CTTN: variants seen among roughly 807,000 people sequenced by gnomAD.
CTTN encodes cortactin, also known as src substrate cortactin.
Under a neutral mutation model 84.0 loss-of-function variants are expected in CTTN, and 28 were observed. That is an observed-to-expected ratio of 0.33 (90% CI 0.25 to 0.46). The LOEUF (loss-of-function observed/expected upper bound fraction) is 0.46, where lower values mean the gene tolerates loss of function less well. Among genes scored for constraint, CTTN ranks in the 20% least tolerant of loss-of-function variants. The pLI is 1.00. For missense variants in CTTN, 641 were observed against 723.8 expected, an observed-to-expected ratio of 0.89 and a Z score of 1.31; for synonymous variants, 301 against 288.8, an observed-to-expected ratio of 1.04 and a Z score of -0.43.
Position 70,401,651 on chromosome 11 carries a change from C to CA in CTTN, c.-98+3046dup, listed in dbSNP as rs1313982731. ...CAACAGAGTGAGACTTCGTCTCAAA[C>CA]AAAAAAAAACAAAAAAAAAAAGAGA... On this transcript the variant is annotated intron_variant, in intron 1 of 17. Coordinates refer to ENST00000301843, the MANE Select transcript of CTTN (RefSeq NM_005231.4). Among the ~76,000 whole-genome samples, 86 of 120,270 alleles carry CA rather than the reference C, an allele frequency of 7.2e-4. 1 individual carries two copies. The highest frequency in any genetic ancestry group is 2.1e-3 in the South Asian group (8 of 3,874). The allele number at this position is 120,270 out of a possible 152,430, so 78.9% of individuals were successfully genotyped here.
intron 17 of CTTN, 111 bp from the exon 18 acceptor site, chr11:70,434,914 AG>A (rs951782876): frequency 1.8e-6 from 2 of 1,137,330 alleles, no homozygotes; most frequent in African/African-American, 1.5e-5. Flanking sequence ...GCATCTCTGC[AG>A]GGGGCATCTC....
chr11:70,418,260 GCCTTCCTGCCGGTCAGGCCTTGCCT>G (rs1340629128), intron 8 of CTTN, among the ~76,000 whole-genome samples: 1 of 152,244 alleles, frequency 6.6e-6, no homozygotes, highest in Non-Finnish European at 1.5e-5. Context: ...GCCTGGCCTT[GCCTTCCTGCCGGTCAGGCCTTGCCT>G]GCCGCACAGA....
intron 12 of CTTN, among the ~76,000 whole-genome samples, chr11:70,423,468 G>A (rs909290282): frequency 2.0e-5 from 3 of 152,226 alleles, no homozygotes; most frequent in African/African-American, 2.4e-5. Context: ...GCTCCTGCGC[G>A]TGGCCTGTGG....
At chr11:70,433,624 G>T in intron 16 of CTTN, 23 bp from the exon 17 acceptor site, 1 of 1,556,532 alleles carries the variant, frequency 6.4e-7, no homozygotes, top group African/African-American at 1.4e-5. Context: ...GTATTGTTCA[G>T]CTCTGTCATG....
At chr11:70,406,524 A>AAC (rs1736000264) in intron 2 of CTTN, among the ~76,000 whole-genome samples, 1 of 151,910 alleles carries the variant, frequency 6.6e-6, no homozygotes, top group Admixed American at 6.6e-5. Context: ...ATAGTTTGAA[A>AAC]AAAAAAAAAA....
Position 70,435,826 on chromosome 11 carries a change from G to A in CTTN, c.*664G>A. On this transcript the variant is annotated 3_prime_UTR_variant, in exon 18 of 18. Coordinates refer to ENST00000301843, the MANE Select transcript of CTTN (RefSeq NM_005231.4). ...TCTCTACCCATCCCCTGATGCCCAG[G>A]TCACCGGGAGGGCTGCTGGGAGCCT... The A allele has an allele frequency of 1.3e-6, 2 of 1,542,422 alleles. No individual in the cohort carries two copies. Among genetic ancestry groups the A allele is most frequent in the Non-Finnish European group, 1.7e-6 (2 of 1,152,196 alleles).
chr11:70,416,034 T>G (rs746161606), intron 7 of CTTN: 26 of 333,102 alleles, frequency 7.8e-5, no homozygotes, highest in Non-Finnish European at 1.4e-4. Context: ...GCAGCGCTCC[T>G]CCTGGAAAAG....
At chr11:70,431,153 A>G in intron 14 of CTTN, 38 bp from the exon 15 acceptor site, 1 of 1,586,776 alleles carries the variant, frequency 6.3e-7, no homozygotes, top group Non-Finnish European at 8.7e-7. Flanking sequence ...GCAGAGTGTC[A>G]TGGCAGCATT....
chr11:70,415,634 A>G (rs200123315), intron 6 of CTTN, 29 bp from the exon 7 acceptor site: 2 of 1,599,770 alleles, frequency 1.3e-6, no homozygotes, highest in South Asian at 2.2e-5. Context: ...ATTTCTCCCC[A>G]CTTTTTCATG....
At chr11:70,399,637 G>A (rs2057952671) in intron 1 of CTTN, among the ~76,000 whole-genome samples, 1 of 152,294 alleles carries the variant, frequency 6.6e-6, no homozygotes, top group East Asian at 1.9e-4. Flanking sequence ...TCCATCACCT[G>A]GATAGTCTAA....
At position 70,420,486 on chromosome 11, in the gene CTTN, T is replaced by G; in HGVS notation, c.766T>G (p.Leu256Val). 2 of 1,614,006 alleles carry G rather than the reference T, an allele frequency of 1.2e-6. No homozygotes were observed. The highest frequency in any genetic ancestry group is 1.7e-6 in the Non-Finnish European group (2 of 1,179,890). Residue 256 changes from leucine to valine, a missense_variant, in exon 10 of 18, where the codon TTG becomes GTG. Around this residue, in one of 3 missense-constraint regions of CTTN, gnomAD observed 284 missense variants for 348.4 expected, o/e 0.82. Transcript: ENST00000301843. The stretch of plus-strand genomic sequence containing the variant: ...CCTTGGCTGGGATCACCAGGAGAAA[T>G]TGCAGCTGCATGAATCCCAAAAAGG... ...CALGWDHQEK[L>V]QLHESQKDYK...
intron 13 of CTTN, among the ~76,000 whole-genome samples, 184 bp from the exon 14 acceptor site, chr11:70,428,867 G>A (rs1389818249): frequency 1.3e-5 from 2 of 152,212 alleles, no homozygotes; most frequent in Non-Finnish European, 2.9e-5. Context: ...AGTGCCCTGC[G>A]GCAGGTGCCC....
intron 3 of CTTN, 55 bp from the exon 4 acceptor site, chr11:70,407,463 G>A: frequency 2.5e-6 from 4 of 1,612,798 alleles, no homozygotes; most frequent in Non-Finnish European, 3.4e-6. Context: ...TGGGGTGGTG[G>A]TTTGTCTGTG....
intron 17 of CTTN, among the ~76,000 whole-genome samples, chr11:70,434,648 C>T (rs1470613674): frequency 2.6e-5 from 4 of 152,264 alleles, no homozygotes; most frequent in African/African-American, 2.4e-5. Context: ...CTCCGGGTGT[C>T]CCCTGGCTGT....
intron 14 of CTTN, among the ~76,000 whole-genome samples, chr11:70,430,079 T>C (rs1445627159): frequency 2.6e-5 from 4 of 152,202 alleles, no homozygotes; most frequent in Non-Finnish European, 5.9e-5. Context: ...AGGCCATAGA[T>C]GCCAGGAACC....
chr11:70,417,212 A>G, intron 8 of CTTN, 89 bp downstream of exon 8: 1 of 992,866 alleles, frequency 1.0e-6, no homozygotes, highest in Non-Finnish European at 1.6e-6. Context: ...ATTGTTGTAG[A>G]TTTTTTAACT....
intron 12 of CTTN, among the ~76,000 whole-genome samples, chr11:70,424,345 T>A (rs2135585200): frequency 6.6e-6 from 1 of 152,170 alleles, no homozygotes. Flanking sequence ...CGGTGACCGC[T>A]GAGCTTGTGA....
chr11:70,399,780 C>G (rs375151938), intron 1 of CTTN, among the ~76,000 whole-genome samples: 1 of 152,142 alleles, frequency 6.6e-6, no homozygotes, highest in African/African-American at 2.4e-5. Context: ...CGGAGGCATC[C>G]GGTGAGCGCT....
At chr11:70,423,281 G>A (rs2058262815) in intron 12 of CTTN, among the ~76,000 whole-genome samples, 1 of 152,214 alleles carries the variant, frequency 6.6e-6, no homozygotes, top group East Asian at 1.9e-4. Context: ...CATGAGAGGT[G>A]AGAGCCTCGA....
Sources: allele counts gnomAD v4.1 joint callset (sites outside exome capture counted in the v4.1 genomes callset), GRCh38; gene constraint gnomAD v4.1.1; regional missense constraint gnomAD v4.1.1; transcripts MANE v1.5; gene names NCBI Gene and HGNC (gene_info 2026-07-23, HGNC 2026-07-21).